The following SNTG1 variants were observed in gnomAD, a reference collection of about 807,000 sequenced individuals.
The protein encoded by SNTG1 is gamma-1-syntrophin.
SNTG1 carries 39 observed loss-of-function variants against 74.7 expected under a neutral mutation model. That is an observed-to-expected ratio of 0.52 (90% CI 0.40 to 0.68). The LOEUF (loss-of-function observed/expected upper bound fraction) is 0.68. Among genes scored for constraint, SNTG1 ranks in the 30% least tolerant of loss-of-function variants. The probability of loss-of-function intolerance (pLI) is 0.00; values close to 1 mark genes in which losing one functional copy is unlikely to be tolerated. For synonymous variants in SNTG1, 254 were observed against 217.1 expected (o/e 1.17, Z -1.49); for missense variants, 685 against 609.5 (o/e 1.12, Z -1.30).
intron 8 of SNTG1, among the ~76,000 whole-genome samples, chr8:50,454,101 T>C (rs2093480598): frequency 6.6e-6 from 1 of 152,232 alleles, no homozygotes; most frequent in African/African-American, 2.4e-5. Context: ...ACTGATGCTA[T>C]TCTCCTTACC....
At chr8:50,056,752 G>T (rs1820055615) in intron 1 of SNTG1, among the ~76,000 whole-genome samples, 1 of 152,178 alleles carries the variant, frequency 6.6e-6, no homozygotes, top group Non-Finnish European at 1.5e-5. Flanking sequence ...TAATTATCAA[G>T]TTTCAGCTTC....
chr8:50,285,921 A>C (rs897501456), intron 2 of SNTG1, among the ~76,000 whole-genome samples: 15 of 151,694 alleles, frequency 9.9e-5, no homozygotes, highest in African/African-American at 3.4e-4. Flanking sequence ...TTTCTAAGTA[A>C]ATTTGTTTCA....
intron 4 of SNTG1, among the ~76,000 whole-genome samples, chr8:50,406,850 A>G (rs976973422): frequency 3.9e-5 from 6 of 151,948 alleles, no homozygotes; most frequent in African/African-American, 1.5e-4. Context: ...CGCTTTTCTT[A>G]CCTGAAAGTA....
At chr8:49,919,618 A>C (rs1335612892) in intron 1 of SNTG1, among the ~76,000 whole-genome samples, 1 of 152,118 alleles carries the variant, frequency 6.6e-6, no homozygotes, top group Admixed American at 6.5e-5. Context: ...TAACATATCA[A>C]AGTTTTGTGG....
At chr8:50,143,125 A>T (rs1200517445) in intron 1 of SNTG1, among the ~76,000 whole-genome samples, 1 of 152,074 alleles carries the variant, frequency 6.6e-6, no homozygotes, top group Non-Finnish European at 1.5e-5. Context: ...TAAAGTCCAT[A>T]GTGTCTCCCA....
intron 2 of SNTG1, among the ~76,000 whole-genome samples, chr8:50,324,018 C>G (rs1166660092): frequency 6.6e-6 from 1 of 152,138 alleles, no homozygotes; most frequent in Non-Finnish European, 1.5e-5. Flanking sequence ...TGCTCTAAGC[C>G]CAGCCTAGCA....
intron 1 of SNTG1, among the ~76,000 whole-genome samples, chr8:50,157,221 A>C (rs941246568): frequency 6.6e-6 from 1 of 152,062 alleles, no homozygotes; most frequent in Non-Finnish European, 1.5e-5. Context: ...TAGCTGTGGT[A>C]GTATTTCATT....
intron 1 of SNTG1, among the ~76,000 whole-genome samples, chr8:50,053,184 C>A (rs1411131492): frequency 6.6e-6 from 1 of 151,950 alleles, no homozygotes; most frequent in Non-Finnish European, 1.5e-5. Flanking sequence ...ATCCAAATGA[C>A]CATTAACTGA....
Position 50,319,005 on chromosome 8 carries a change from A to G in SNTG1, c.-27-75207A>G, listed in dbSNP as rs538400999. Among the ~76,000 whole-genome samples, 435 of 151,966 alleles carry G rather than the reference A, an allele frequency of 2.9e-3. 4 individuals carry two copies. Among genetic ancestry groups the G allele is most frequent in the African/African-American group, 0.01 (416 of 41,440 alleles). On this transcript the variant is annotated intron_variant, in intron 2 of 18. Transcript: ENST00000642720. ...TGTATGTATATGTATATGTGTGTAT[A>G]TACACACAGAACACATATACACATA...
intron 2 of SNTG1, among the ~76,000 whole-genome samples, chr8:50,303,100 A>G (rs1211390070): frequency 2.6e-5 from 4 of 152,212 alleles, no homozygotes; most frequent in Non-Finnish European, 5.9e-5. Flanking sequence ...ACATAAACAC[A>G]TATTTATGTT....
At chr8:49,948,822 G>A (rs976426930) in intron 1 of SNTG1, among the ~76,000 whole-genome samples, 1 of 152,208 alleles carries the variant, frequency 6.6e-6, no homozygotes, top group Admixed American at 6.5e-5. Context: ...GCACTGGAAA[G>A]AAGCGGTTCT....
intron 12 of SNTG1, among the ~76,000 whole-genome samples, chr8:50,570,362 G>A (rs1028452920): frequency 7.4e-5 from 11 of 147,880 alleles, no homozygotes; most frequent in Non-Finnish European, 1.2e-4. Flanking sequence ...GGGTTCAAGC[G>A]ATTCTCCTGT....
intron 15 of SNTG1, among the ~76,000 whole-genome samples, chr8:50,688,821 G>T (rs530602841): frequency 1.3e-5 from 2 of 151,602 alleles, no homozygotes; most frequent in Non-Finnish European, 2.9e-5. Flanking sequence ...GATGGGGATG[G>T]CATTGAATCT....
intron 1 of SNTG1, among the ~76,000 whole-genome samples, chr8:49,969,876 T>C (rs1811500819): frequency 6.6e-6 from 1 of 151,882 alleles, no homozygotes; most frequent in African/African-American, 2.4e-5. Context: ...CTCAAAATGC[T>C]GTTATAGATT....
chr8:50,691,768 T>C (rs1195878643), intron 15 of SNTG1, among the ~76,000 whole-genome samples: 5 of 152,166 alleles, frequency 3.3e-5, no homozygotes, highest in African/African-American at 9.7e-5. Context: ...TTACATTCTC[T>C]GTATTTCCTG....
At chr8:50,790,037 G>A (rs1197704873) in intron 18 of SNTG1, among the ~76,000 whole-genome samples, 1 of 151,912 alleles carries the variant, frequency 6.6e-6, no homozygotes, top group African/African-American at 2.4e-5. Context: ...ACATGGAAAT[G>A]GCTCACTCCA....
At chr8:50,255,785 C>T (rs922013888) in intron 2 of SNTG1, among the ~76,000 whole-genome samples, 1 of 152,146 alleles carries the variant, frequency 6.6e-6, no homozygotes, top group African/African-American at 2.4e-5. Flanking sequence ...GATCCTATTT[C>T]CCCCCAAAAT....
intron 13 of SNTG1, among the ~76,000 whole-genome samples, chr8:50,598,521 T>C (rs1184041474): frequency 6.6e-6 from 1 of 151,966 alleles, no homozygotes; most frequent in African/African-American, 2.4e-5. Flanking sequence ...TGTGATGCCT[T>C]AACTTTGTTC....
chr8:50,233,007 T>TA (rs1485148874), intron 2 of SNTG1, among the ~76,000 whole-genome samples: 2 of 151,642 alleles, frequency 1.3e-5, no homozygotes, highest in Non-Finnish European at 3.0e-5. Flanking sequence ...TACATAAGTT[T>TA]AATGAAATTC....
Sources: allele counts gnomAD v4.1 joint callset (sites outside exome capture counted in the v4.1 genomes callset), GRCh38; gene constraint gnomAD v4.1.1; transcripts MANE v1.5; gene names NCBI Gene and HGNC (gene_info 2026-07-23, HGNC 2026-07-21).